The following FYCO1 variants were observed in gnomAD, a reference collection of about 807,000 sequenced individuals.
FYCO1 encodes FYVE and coiled-coil domain-containing protein 1.
FYCO1 carries 122 observed loss-of-function variants against 165.1 expected under a neutral mutation model. That is an observed-to-expected ratio of 0.74 (90% confidence interval 0.64 to 0.86). The LOEUF is 0.86. Among genes scored for constraint, FYCO1 ranks in the 40% least tolerant of loss-of-function variants. FYCO1 has a pLI of 0.00. For synonymous variants in FYCO1, 648 were observed against 742.5 expected (o/e 0.87, Z 2.07); for missense variants, 1,702 against 1,810.3 (o/e 0.94, Z 1.09).
intron 1 of FYCO1, among the ~76,000 whole-genome samples, chr3:45,986,321 C>T (rs1707314232): frequency 6.6e-6 from 1 of 152,114 alleles, no homozygotes; most frequent in African/African-American, 2.4e-5. Context: ...ATGTGAACAC[C>T]CTGAGTGTTC....
intron 14 of FYCO1, chr3:45,946,922 G>A (rs535994857): frequency 6.2e-7 from 1 of 1,614,200 alleles, no homozygotes; most frequent in Admixed American, 1.7e-5. Flanking sequence ...GGATGACCTG[G>A]GGCAAGGTCA....
chr3:45,952,424 G>A (rs1301139910), intron 14 of FYCO1, among the ~76,000 whole-genome samples: 7 of 152,136 alleles, frequency 4.6e-5, no homozygotes, highest in African/African-American at 1.7e-4. Context: ...GTAGGAAAAA[G>A]CTACCAGAAA....
rs188569356 is a variant in FYCO1, at chr3:45,964,306, C to A, written c.3269+30G>T. 2 of 1,516,434 alleles carry A rather than the reference C, an allele frequency of 1.3e-6. No homozygotes were observed. Among genetic ancestry groups the A allele is most frequent in the Non-Finnish European group, 1.8e-6 (2 of 1,090,858 alleles). The allele number at this position is 1,516,434 out of a possible 1,614,324, so 93.9% of individuals were successfully genotyped here. A position where few individuals can be genotyped will look rare whatever the true frequency, so the allele number is the denominator to read the frequency against. On this transcript the variant is annotated intron_variant, in intron 10 of 17. Coordinates refer to ENST00000296137, the MANE Select transcript of FYCO1 (RefSeq NM_024513.4). The surrounding 1 kb of genome is among the most constrained non-coding windows in gnomAD (Gnocchi z 4.1). ...CAAACACTCCTTCCCTGAAGACTACCGACAGCTACGTAGGTGGACTGTGAC... is the reference window on the plus strand; with the variant it reads ...CAAACACTCCTTCCCTGAAGACTACAGACAGCTACGTAGGTGGACTGTGAC...
intron 7 of FYCO1, among the ~76,000 whole-genome samples, chr3:45,969,362 G>T (rs758939471): frequency 3.9e-5 from 6 of 152,222 alleles, no homozygotes; most frequent in Non-Finnish European, 7.3e-5. Context: ...GAGAGCTGAA[G>T]GTTAAGTAAT....
chr3:45,976,619 A>G (rs753267056), intron 4 of FYCO1, among the ~76,000 whole-genome samples: 2 of 152,166 alleles, frequency 1.3e-5, no homozygotes, highest in Non-Finnish European at 2.9e-5. Flanking sequence ...AAGGGGGAGC[A>G]GTGGTTTGCC....
intron 8 of FYCO1, among the ~76,000 whole-genome samples, chr3:45,966,070 T>C (rs1396086474): frequency 6.6e-6 from 1 of 152,210 alleles, no homozygotes; most frequent in East Asian, 1.9e-4. Flanking sequence ...AAGGCATCAC[T>C]CCCAATGTTC....
chr3:45,921,800 G>C lies in FYCO1; in HGVS notation c.4402C>G (p.Arg1468Gly), dbSNP rs377154822. ...TCACTTCCATCGTAGATCACAGGCC[G>C]ATCAACCGTCAAGTGATAAAATACC... ...KKVFYHLTVD[R>G]PVIYDGSDFL The change falls in exon 18 of 18, where the codon CGG becomes GGG. Residue 1468 changes from arginine (R) to glycine (G), a missense_variant. Transcript: ENST00000296137. 3.1e-6 allele frequency: 5 copies of C among 1,612,692 alleles called. No homozygotes were observed. Among genetic ancestry groups the C allele is most frequent in the Admixed American group, 3.3e-5 (2 of 60,006 alleles).
Position 45,966,961 on chromosome 3 carries a change from C to G in FYCO1, c.2373G>C (p.Gln791His), listed in dbSNP as rs752443907. ...GCATCTTGGCCTGGAGGTCCACCACCTGAGCCTGCAGCCGTTGGACCTCCC... is the reference window on the plus strand; with the variant it reads ...GCATCTTGGCCTGGAGGTCCACCACGTGAGCCTGCAGCCGTTGGACCTCCC... ...HQGEVQRLQA[Q>H]VVDLQAKMRA... The change falls in exon 8 of 18, where the codon CAG becomes CAC. Residue 791 changes from glutamine (Q) to histidine (H), a missense_variant. Physicochemically the swap from Gln to His is conservative, Grantham distance 24. Transcript: ENST00000296137. 1 of 1,613,648 alleles carries G rather than the reference C, an allele frequency of 6.2e-7. No individual in the cohort carries two copies. Among genetic ancestry groups the G allele is most frequent in the Admixed American group, 1.7e-5 (1 of 60,032 alleles).
rs758706198 is a variant in FYCO1 at position 45,964,926 on chromosome 3, G to A, written c.3150+107C>T. 1.8e-5 allele frequency: 16 copies of A among 873,476 alleles called. No individual in the cohort carries two copies. Among genetic ancestry groups the A allele is most frequent in the East Asian group, 5.2e-5 (2 of 38,180 alleles). 54.1% of individuals were successfully genotyped at this position (873,476 alleles called of 1,614,324 possible). A position where few individuals can be genotyped will look rare whatever the true frequency, so the allele number is the denominator to read the frequency against. On this transcript the variant is annotated intron_variant, in intron 9 of 17. Transcript: ENST00000296137. The surrounding 1 kb of genome is among the most constrained non-coding windows in gnomAD (Gnocchi z 4.1). ...GTGTCTACAAAGGTGAACTGAGGAC[G>A]GCTTCAGCTTGGGAATCTGGAGGCA... is the stretch of plus-strand genomic sequence containing the variant.
chr3:45,929,360 C>T (rs1123434), intron 16 of FYCO1, among the ~76,000 whole-genome samples: 8,437 of 152,264 alleles, frequency 0.055, 336 homozygotes, highest in Middle Eastern at 0.14. Context: ...GCTGAGGACT[C>T]GGTGGGTAGG....
At chr3:45,974,409 A>C (rs1706613563) in intron 5 of FYCO1, among the ~76,000 whole-genome samples, 1 of 152,248 alleles carries the variant, frequency 6.6e-6, no homozygotes, top group Non-Finnish European at 1.5e-5. Context: ...CATCTAAAAC[A>C]AAATAACCTT....
intron 5 of FYCO1, among the ~76,000 whole-genome samples, chr3:45,974,967 G>A (rs1356030629): frequency 6.6e-6 from 1 of 152,164 alleles, no homozygotes; most frequent in Non-Finnish European, 1.5e-5. Context: ...AAAATGCCTG[G>A]TATCGGGAGT....
At position 45,921,423 on chromosome 3, in the gene FYCO1, G is replaced by A. The variant is rs536237093; in HGVS notation, c.*342C>T. 1.2e-3 allele frequency: 439 copies of A among 357,572 alleles called. 7 individuals carry two copies. The highest frequency in any genetic ancestry group is 3.1e-3 in the South Asian group (134 of 43,402). 22.1% of individuals were successfully genotyped at this position (357,572 alleles called of 1,614,324 possible). A position where few individuals can be genotyped will look rare whatever the true frequency, so the allele number is the denominator to read the frequency against. ...GCAGAAGTTGGAATCACCCCTGCCCGTGAAACTCTCCACAAGAGGCCTGTA... is the reference window on the plus strand; with the variant it reads ...GCAGAAGTTGGAATCACCCCTGCCCATGAAACTCTCCACAAGAGGCCTGTA... On this transcript the variant is annotated 3_prime_UTR_variant, in exon 18 of 18. Coordinates refer to ENST00000296137, the MANE Select transcript of FYCO1 (RefSeq NM_024513.4).
chr3:45,984,600 C>G lies in FYCO1; in HGVS notation c.55+256G>C, dbSNP rs1022947884. On this transcript the variant is annotated intron_variant, in intron 2 of 17. Coordinates refer to ENST00000296137, the MANE Select transcript of FYCO1 (RefSeq NM_024513.4). ...TGTGTGCACTAATGGAAATCAGACC[C>G]AGTCCTGGAGCCGGGTGTATGATTT... 5.0e-6 allele frequency: 3 copies of G among 601,822 alleles called. No homozygotes were observed. In the African/African-American group the frequency reaches 5.6e-5, roughly 11 times the overall value. 37.3% of individuals were successfully genotyped at this position (601,822 alleles called of 1,614,324 possible).
intron 16 of FYCO1, among the ~76,000 whole-genome samples, chr3:45,929,448 G>A (rs6778225): frequency 0.21 from 32,456 of 152,136 alleles, 3,565 homozygotes; most frequent in East Asian, 0.3. Context: ...CCCTGATTTC[G>A]TCCCTTCCCT....
chr3:45,967,745 C>G lies in FYCO1; in HGVS notation c.1589G>C (p.Ser530Thr), dbSNP rs1266126312. 1.9e-6 allele frequency: 3 copies of G among 1,613,304 alleles called. No homozygotes were observed. The highest frequency in any genetic ancestry group is 2.5e-6 in the Non-Finnish European group (3 of 1,180,044). Residue 530 changes from serine (S) to threonine (T), a missense_variant, in exon 8 of 18, where the codon AGT (serine) becomes ACT (threonine). Ser to Thr is a moderately conservative substitution (Grantham distance 58, BLOSUM62 1). Coordinates refer to ENST00000296137, the MANE Select transcript of FYCO1 (RefSeq NM_024513.4). Reference protein sequence around the residue: ...TQLAQVSQHVSDLEEQKKQLI... With the variant: ...TQLAQVSQHVTDLEEQKKQLI... ...CTGCTTCTTCTGCTCCTCCAGGTCACTCACATGTTGGCTCACCTGTGCCAG... is the reference window on the plus strand; with the variant it reads ...CTGCTTCTTCTGCTCCTCCAGGTCAGTCACATGTTGGCTCACCTGTGCCAG...
In FYCO1 at chr3:45,981,593, A is replaced by G; in HGVS notation, c.139T>C (p.Tyr47His). ...ACTTGCAGGAGATACTCAAGTTTAT[A>G]AGAAAATTTATGCAAGCTGGTGCTG... is the stretch of plus-strand genomic sequence containing the variant. Reference protein sequence around the residue: ...DDSTSLHKFSYKLEYLLQFDQ... With the variant: ...DDSTSLHKFSHKLEYLLQFDQ... The change falls in exon 3 of 18, where the codon TAT becomes CAT. Residue 47 changes from tyrosine (Y) to histidine (H), a missense_variant. Tyr to His is a moderately conservative substitution (Grantham distance 83). Transcript: ENST00000296137. 2 of 1,612,402 alleles carry G rather than the reference A, an allele frequency of 1.2e-6. No individual in the cohort carries two copies. The highest frequency in any genetic ancestry group is 2.2e-5 in the South Asian group (2 of 91,046).
At position 45,967,604 on chromosome 3, in the gene FYCO1, A is replaced by G; in HGVS notation, c.1730T>C (p.Val577Ala). Residue 577 changes from valine (V) to alanine (A), a missense_variant, in exon 8 of 18, where the codon GTG becomes GCG. Transcript: ENST00000296137. ...AGEKNEALVP[V>A]NSSLQEAWGK... is the part of the protein sequence containing the mutation. ...CCAGGCCTCTTGCAGACTGGAGTTCACAGGGACCAGGGCCTCATTCTTCTC... is the reference window on the plus strand; with the variant it reads ...CCAGGCCTCTTGCAGACTGGAGTTCGCAGGGACCAGGGCCTCATTCTTCTC... The G allele has an allele frequency of 6.2e-7, 1 of 1,613,988 alleles. No individual in the cohort carries two copies. The highest frequency in any genetic ancestry group is 8.5e-7 in the Non-Finnish European group (1 of 1,180,010).
intron 14 of FYCO1, among the ~76,000 whole-genome samples, chr3:45,952,554 T>G (rs192534442): frequency 8.1e-4 from 123 of 152,336 alleles, no homozygotes; most frequent in African/African-American, 2.8e-3. Flanking sequence ...TTCCTATCAG[T>G]TAGTCCCAGA....
Sources: gnomAD v4.1 joint callset for allele counts (sites outside exome capture counted in the v4.1 genomes callset) on GRCh38, gnomAD v4.1.1 for gene constraint, Gnocchi (gnomAD v3.1) non-coding constraint, MANE v1.5 for transcripts, NCBI Gene and HGNC (gene_info 2026-07-23, HGNC 2026-07-21) for gene names.